The following LRRIQ3 variants were observed in gnomAD, a reference collection of about 807,000 sequenced individuals.
LRRIQ3 encodes the protein leucine-rich repeat and IQ domain-containing protein 3.
LRRIQ3 carries 75 observed loss-of-function variants against 59.3 expected under a neutral mutation model. The ratio of observed to expected loss-of-function variants is 1.26; its 90% CI spans 1.05 to 1.53. LRRIQ3 has a LOEUF of 1.53. LRRIQ3 is among the 40% of genes most tolerant of loss of function. LRRIQ3 has a pLI of 0.00. For missense variants in LRRIQ3, 831 were observed against 710.0 expected, an observed-to-expected ratio of 1.17 and a Z score of -1.94; for synonymous variants, 250 against 231.3, an observed-to-expected ratio of 1.08 and a Z score of -0.73.
At chr1:74,176,086 C>G (rs1649620730) in intron 3 of LRRIQ3, among the ~76,000 whole-genome samples, 1 of 152,020 alleles carries the variant, frequency 6.6e-6, no homozygotes, top group Non-Finnish European at 1.5e-5. Context: ...TATTCCACAG[C>G]CTTCTTTTAT....
At chr1:74,172,048 T>A (rs1457712520) in intron 3 of LRRIQ3, among the ~76,000 whole-genome samples, 1 of 152,182 alleles carries the variant, frequency 6.6e-6, no homozygotes, top group African/African-American at 2.4e-5. Flanking sequence ...TGTTTGTCTT[T>A]TTAAAAAGCC....
intron 6 of LRRIQ3, among the ~76,000 whole-genome samples, chr1:74,072,018 A>C (rs998506481): frequency 3.7e-4 from 57 of 152,172 alleles, no homozygotes; most frequent in African/African-American, 1.4e-3. Flanking sequence ...AAGGATTAGA[A>C]AATACATAGA....
chr1:74,059,178 C>G (rs1049157263), intron 6 of LRRIQ3, among the ~76,000 whole-genome samples: 1 of 152,012 alleles, frequency 6.6e-6, no homozygotes, highest in Non-Finnish European at 1.5e-5. Context: ...TACTTTGAAG[C>G]ACAAAGTGGT....
At chr1:74,077,302 C>T (rs1429252746) in intron 5 of LRRIQ3, among the ~76,000 whole-genome samples, 1 of 151,986 alleles carries the variant, frequency 6.6e-6, no homozygotes, top group African/African-American at 2.4e-5. Flanking sequence ...TGTTGAAAAT[C>T]ACCTCAAATT....
rs150442920 is a variant in LRRIQ3, at chr1:74,118,689, G to A, written c.708-9136C>T. On this transcript the variant is annotated intron_variant, in intron 4 of 7. Transcript: ENST00000354431. ...ATAGAACCAGTAGAAAAAAAATATA[G>A]AGATATATATATAGAGAGAGAGCAA... is the stretch of plus-strand genomic sequence containing the variant. Among the ~76,000 whole-genome samples the A allele has an allele frequency of 1.2e-4, 18 of 152,126 alleles. No individual in the cohort carries two copies. In the East Asian group the frequency reaches 3.3e-3, roughly 28 times the overall value.
intron 3 of LRRIQ3, chr1:74,180,482 C>T: frequency 2.3e-6 from 1 of 429,348 alleles, no homozygotes; most frequent in Middle Eastern, 5.6e-4. Flanking sequence ...TATCCTGCCT[C>T]AAAGAAGTAT....
chr1:74,158,175 C>T (rs1309781676), intron 3 of LRRIQ3, among the ~76,000 whole-genome samples: 3 of 152,152 alleles, frequency 2.0e-5, no homozygotes, highest in South Asian at 2.1e-4. Flanking sequence ...ACACCACTTC[C>T]GTAACTTACT....
At chr1:74,108,089 C>T (rs928407255) in intron 5 of LRRIQ3, among the ~76,000 whole-genome samples, 1 of 151,456 alleles carries the variant, frequency 6.6e-6, no homozygotes, top group African/African-American at 2.4e-5. Flanking sequence ...TATTTGCTTG[C>T]CACAACAAAA....
At chr1:74,147,641 T>C (rs983691119) in intron 4 of LRRIQ3, among the ~76,000 whole-genome samples, 5 of 152,212 alleles carry the variant, frequency 3.3e-5, no homozygotes, top group Non-Finnish European at 4.4e-5. Context: ...ATGTTTTGGA[T>C]ACAGTTTTAA....
intron 3 of LRRIQ3, among the ~76,000 whole-genome samples, chr1:74,177,249 G>A (rs944511452): frequency 6.6e-6 from 1 of 152,048 alleles, no homozygotes; most frequent in African/African-American, 2.4e-5. Flanking sequence ...CTGGGGAAAT[G>A]ACTGGCCTAG....
chr1:74,115,575 T>C (rs866171941), intron 4 of LRRIQ3, among the ~76,000 whole-genome samples: 1 of 152,054 alleles, frequency 6.6e-6, no homozygotes, highest in South Asian at 2.1e-4. Context: ...CTTCAATAAG[T>C]AAGTGGCTTC....
intron 1 of LRRIQ3, among the ~76,000 whole-genome samples, chr1:74,187,560 T>TA (rs1329990062): frequency 2.6e-5 from 4 of 152,124 alleles, no homozygotes; most frequent in Non-Finnish European, 4.4e-5. Flanking sequence ...CTAAGAATGA[T>TA]ATAATGTACT....
At chr1:74,190,626 T>C (rs1650700505) in intron 1 of LRRIQ3, among the ~76,000 whole-genome samples, 2 of 151,514 alleles carry the variant, frequency 1.3e-5, no homozygotes, top group South Asian at 4.2e-4. Context: ...TACTCTAACA[T>C]CGGACACTAA....
At chr1:74,075,444 G>A (rs545171569) in intron 5 of LRRIQ3, among the ~76,000 whole-genome samples, 10 of 152,138 alleles carry the variant, frequency 6.6e-5, no homozygotes, top group African/African-American at 2.4e-4. Context: ...GTGCATGCCT[G>A]TAATCCCAGC....
chr1:74,077,837 A>T (rs1330799122), intron 5 of LRRIQ3, among the ~76,000 whole-genome samples: 1 of 151,928 alleles, frequency 6.6e-6, no homozygotes, highest in Non-Finnish European at 1.5e-5. Context: ...GGGAAAGAGA[A>T]TGTGTGCACT....
At chr1:74,154,234 C>T (rs1407150044) in intron 4 of LRRIQ3, among the ~76,000 whole-genome samples, 10 of 75,020 alleles carry the variant, frequency 1.3e-4, no homozygotes, top group African/African-American at 5.1e-4. Context: ...GAGCGAGACT[C>T]CTTCTCAAAA....
At chr1:74,169,795 C>CGA (rs1557651200) in intron 3 of LRRIQ3, among the ~76,000 whole-genome samples, 1 of 152,148 alleles carries the variant, frequency 6.6e-6, no homozygotes, top group Non-Finnish European at 1.5e-5. Context: ...AGTGATCCTT[C>CGA]TGCCTCAGCC....
chr1:74,183,292 A>G (rs903717993), intron 2 of LRRIQ3, 144 bp downstream of exon 2: 3 of 646,632 alleles, frequency 4.6e-6, no homozygotes, highest in Admixed American at 3.1e-5. Flanking sequence ...TACATCTTAC[A>G]TGCTTTTAAT....
chr1:74,067,405 G>A (rs1654896929), intron 6 of LRRIQ3, among the ~76,000 whole-genome samples: 1 of 152,076 alleles, frequency 6.6e-6, no homozygotes, highest in Admixed American at 6.6e-5. Context: ...CTTGCCTTCT[G>A]AATGTGTGGA....
Sources: allele counts gnomAD v4.1 joint callset (sites outside exome capture counted in the v4.1 genomes callset), GRCh38; gene constraint gnomAD v4.1.1; transcripts MANE v1.5; gene names NCBI Gene and HGNC (gene_info 2026-07-23, HGNC 2026-07-21).